The following SLC2A11 variants were observed in gnomAD, a reference collection of about 807,000 sequenced individuals.
SLC2A11 encodes the protein solute carrier family 2, facilitated glucose transporter member 11.
A neutral mutation model predicts 52.1 loss-of-function variants in SLC2A11; 43 were observed. That is an observed-to-expected ratio of 0.82 (90% CI 0.65 to 1.06). SLC2A11 has a LOEUF of 1.06. Among genes scored for constraint, SLC2A11 ranks in the 50% least tolerant of loss-of-function variants. The pLI is 0.00. For synonymous variants in SLC2A11, 261 were observed against 277.6 expected, an observed-to-expected ratio of 0.94 and a Z score of 0.59; for missense variants, 582 against 654.2, an observed-to-expected ratio of 0.89 and a Z score of 1.20.
intron 2 of SLC2A11, chr22:23,866,813 G>A (rs545136494): frequency 6.6e-6 from 1 of 152,494 alleles, no homozygotes; most frequent in African/African-American, 2.4e-5. Flanking sequence ...CAGCTACTCA[G>A]GAGGCTGAGG....
intron 4 of SLC2A11, among the ~76,000 whole-genome samples, chr22:23,876,198 A>G (rs1162412047): frequency 6.6e-6 from 1 of 152,118 alleles, no homozygotes; most frequent in African/African-American, 2.4e-5. Flanking sequence ...GAGGTCATAC[A>G]CCATTATTCT....
intron 1 of SLC2A11, among the ~76,000 whole-genome samples, chr22:23,859,550 C>T (rs1047609365): frequency 2.6e-5 from 4 of 152,044 alleles, no homozygotes; most frequent in Non-Finnish European, 4.4e-5. Context: ...GGCAGTGGCG[C>T]GATCTGGGCT....
chr22:23,858,707 AAAAATAAAAT>A (rs200311772), intron 1 of SLC2A11, among the ~76,000 whole-genome samples: 4 of 152,210 alleles, frequency 2.6e-5, no homozygotes, highest in Admixed American at 6.5e-5. Context: ...TCTAAAAAAT[AAAAATAAAAT>A]AAAATAAAAT....
At chr22:23,876,586 C>T (rs191149057) in intron 4 of SLC2A11, among the ~76,000 whole-genome samples, 108 of 152,306 alleles carry the variant, frequency 7.1e-4, no homozygotes, top group African/African-American at 2.4e-3. Context: ...GTGCCAGGGT[C>T]TTCCCTGGGG....
intron 5 of SLC2A11, 174 bp downstream of exon 5, chr22:23,877,345 A>C: frequency 9.4e-7 from 1 of 1,064,988 alleles, no homozygotes; most frequent in South Asian, 1.3e-5. Context: ...GTATCAGTCA[A>C]CACACTGCAA....
intron 8 of SLC2A11, chr22:23,883,225 G>A (rs967747946): frequency 1.0e-5 from 4 of 384,256 alleles, no homozygotes. Flanking sequence ...TGGTGCCATT[G>A]CACTCCAGCC....
chr22:23,871,424 A>T (rs2032452268), intron 3 of SLC2A11: 1 of 148,374 alleles, frequency 6.7e-6, no homozygotes, highest in African/African-American at 2.5e-5. Flanking sequence ...AAAAAAAAAA[A>T]GGAAAGGAAA....
chr22:23,884,070 G>C lies in SLC2A11; in HGVS notation c.1171+46G>C. The C allele has an allele frequency of 6.3e-7, 1 of 1,593,188 alleles. No individual in the cohort carries two copies. The highest frequency in any genetic ancestry group is 1.1e-5 in the South Asian group (1 of 89,524). ...CTGGGCATCCATCATCACATAGAAG[G>C]AGTGATGGGTGCCTGGGTGCACAGT... On this transcript the variant is annotated intron_variant, in intron 10 of 11. Transcript: ENST00000316185. The surrounding 1 kb of genome is among the most constrained non-coding windows in gnomAD (Gnocchi z 4.3).
Position 23,884,776 on chromosome 22 carries a change from G to A in SLC2A11, c.1427G>A (p.Arg476Lys). 1 of 1,614,158 alleles carries A rather than the reference G, an allele frequency of 6.2e-7. No homozygotes were observed. The highest frequency in any genetic ancestry group is 8.5e-7 in the Non-Finnish European group (1 of 1,180,034). ...TFQEISKELH[R>K]LNFPRRAQGP... ...CAAGAGATCTCCAAGGAATTACACA[G>A]ACTCAACTTCCCCAGGCGGGCCCAG... The change falls in exon 12 of 12, where the codon AGA (arginine) becomes AAA (lysine). Residue 476 changes from arginine to lysine, a missense_variant. Physicochemically the swap from Arg to Lys is conservative, Grantham distance 26. Transcript: ENST00000316185. This position sits in a 1 kb window ranked among gnomAD's most constrained non-coding sequence, Gnocchi z 4.3.
At chr22:23,870,127 C>A in intron 3 of SLC2A11, 1 of 704,558 alleles carries the variant, frequency 1.4e-6, no homozygotes, top group Non-Finnish European at 2.6e-6. Flanking sequence ...GACCACTGGG[C>A]TCATATCTGC....
intron 2 of SLC2A11, chr22:23,866,584 A>G (rs1284292569): frequency 3.2e-5 from 5 of 156,916 alleles, no homozygotes; most frequent in Non-Finnish European, 7.3e-5. Flanking sequence ...CGCTGTGAGC[A>G]AGTCATTTCA....
chr22:23,857,856 A>G (rs532934648), upstream of SLC2A11: 66 of 1,522,090 alleles, frequency 4.3e-5, no homozygotes, highest in African/African-American at 7.2e-4. Context: ...TCAAACGCTC[A>G]CTGCGCGTGC....
Position 23,879,494 on chromosome 22 carries a change from G to A in SLC2A11, c.694+1625G>A, listed in dbSNP as rs557863872. ...TTGCCTGGGCAGGTCTCAAACTCCT[G>A]AGATCAAATGATCCTCCCCCCTTGG... On this transcript the variant is annotated intron_variant, in intron 6 of 11. Coordinates refer to ENST00000316185, the MANE Select transcript of SLC2A11 (RefSeq NM_001024939.4). 1.9e-3 allele frequency: 289 copies of A among 152,302 alleles called. 1 individual carries two copies. The highest frequency in any genetic ancestry group is 0.014 in the Middle Eastern group (4 of 294). The allele number at this position is 152,302 out of a possible 1,614,324, so 9.4% of individuals were successfully genotyped here. A position where few individuals can be genotyped will look rare whatever the true frequency, so the allele number is the denominator to read the frequency against.
At chr22:23,862,281 C>A in intron 2 of SLC2A11, 79 bp downstream of exon 2, 1 of 1,341,186 alleles carries the variant, frequency 7.5e-7, no homozygotes, top group Non-Finnish European at 1.1e-6. Context: ...GGGCTTCAGC[C>A]AGGCATCCAC....
intron 3 of SLC2A11, 122 bp downstream of exon 3, chr22:23,868,763 C>T: frequency 1.7e-6 from 2 of 1,171,324 alleles, no homozygotes; most frequent in African/African-American, 3.1e-5. Flanking sequence ...GCTCCTCATC[C>T]AGCCTCTTAC....
chr22:23,877,520 A>T (rs753809313), intron 5 of SLC2A11: 4 of 787,190 alleles, frequency 5.1e-6, no homozygotes, highest in Non-Finnish European at 6.7e-6. Flanking sequence ...GTTGCTAGGG[A>T]TGAGGTGGGG....
At chr22:23,861,744 G>C (rs2032075228) in intron 1 of SLC2A11, among the ~76,000 whole-genome samples, 1 of 152,238 alleles carries the variant, frequency 6.6e-6, no homozygotes, top group African/African-American at 2.4e-5. Flanking sequence ...TGGAGGCAGA[G>C]CCTTACTCTA....
intron 1 of SLC2A11, among the ~76,000 whole-genome samples, chr22:23,858,390 C>T (rs1317603000): frequency 1.3e-5 from 2 of 152,152 alleles, no homozygotes; most frequent in African/African-American, 2.4e-5. Context: ...CTTTCCTCCT[C>T]ATGCTCCCTC....
upstream of SLC2A11, chr22:23,856,978 C>T (rs1390110707): frequency 3.1e-6 from 5 of 1,611,254 alleles, no homozygotes; most frequent in Non-Finnish European, 8.5e-7. Flanking sequence ...CAGATGAGAG[C>T]GCTCCGAAGA....
Sources: allele counts gnomAD v4.1 joint callset (sites outside exome capture counted in the v4.1 genomes callset), GRCh38; gene constraint gnomAD v4.1.1; non-coding constraint Gnocchi (gnomAD v3.1); transcripts MANE v1.5; gene names NCBI Gene and HGNC (gene_info 2026-07-23, HGNC 2026-07-21).